FBH1: variants seen among roughly 807,000 people sequenced by gnomAD.
FBH1 encodes DNA 3'-5' helicase 1.
In FBH1, 43 loss-of-function variants were observed where a neutral mutation model predicts 115.5. The observed-to-expected ratio is 0.37, with a 90% CI of 0.29 to 0.48. The LOEUF (loss-of-function observed/expected upper bound fraction) is 0.48. FBH1 is among the 20% of genes least tolerant of loss of function. The pLI, the probability that FBH1 is intolerant of heterozygous loss-of-function variation, is 0.99. For missense variants in FBH1, 1,001 were observed against 1,337.3 expected, an observed-to-expected ratio of 0.75 and a Z score of 3.92; for synonymous variants, 524 against 507.8, an observed-to-expected ratio of 1.03 and a Z score of -0.43.
intron 1 of FBH1, among the ~76,000 whole-genome samples, chr10:5,892,048 T>C (rs1842763198): frequency 7.0e-6 from 1 of 142,588 alleles, no homozygotes; most frequent in South Asian, 2.3e-4. Context: ...TGTATGTGAA[T>C]CTGTCCCGCA....
rs755325675 is a variant in FBH1, at chr10:5,925,317, T to A, written c.2597-50T>A. ...AAACATGTATGTTTTTGTCATCTTG[T>A]TTCTTTCCCTTTGAAGCACCATCTA... On this transcript the variant is annotated intron_variant, in intron 17 of 20. Transcript: ENST00000362091. This position sits in a 1 kb window ranked among gnomAD's most constrained non-coding sequence, Gnocchi z 4.6. 1.9e-6 allele frequency: 3 copies of A among 1,600,128 alleles called. No individual in the cohort carries two copies. Among genetic ancestry groups the A allele is most frequent in the Non-Finnish European group, 1.7e-6 (2 of 1,172,484 alleles).
intron 18 of FBH1, among the ~76,000 whole-genome samples, chr10:5,927,211 G>C (rs574563102): frequency 1.3e-5 from 2 of 152,190 alleles, no homozygotes; most frequent in Non-Finnish European, 2.9e-5. Context: ...GATTTACGTA[G>C]CAGGACTAAA....
At position 5,903,150 on chromosome 10, in the gene FBH1, A is replaced by G. The variant is rs1300387195; in HGVS notation, c.132A>G (p.Lys44=). 1.2e-6 allele frequency: 2 copies of G among 1,612,424 alleles called. No individual in the cohort carries two copies. The highest frequency in any genetic ancestry group is 1.7e-5 in the Admixed American group (1 of 59,796). The part of the protein sequence containing the change: ...NRDPNHGLYP[K]PRTKRGSRGQ... ...ATCCGAACCATGGTCTCTATCCTAA[A>G]CCGAGAACAAAAAGAGGGAGTAGGG... is the stretch of plus-strand genomic sequence containing the variant. Residue 44 remains lysine (K), a synonymous_variant, in exon 2 of 21, where the codon AAA becomes AAG. Transcript: ENST00000362091.
In FBH1 at chr10:5,932,165, T is replaced by C. The variant is rs889353190; in HGVS notation, c.2830-4291T>C. On this transcript the variant is annotated intron_variant, in intron 19 of 20. Coordinates refer to ENST00000362091, the MANE Select transcript of FBH1 (RefSeq NM_178150.3). This position sits in a 1 kb window ranked among gnomAD's most constrained non-coding sequence, Gnocchi z 5.9. ...CTGTCTCAAAAGAAAAGATCAAAACTTTGTGATAAGAGAAGTCTCATTACC... is the reference window on the plus strand; with the variant it reads ...CTGTCTCAAAAGAAAAGATCAAAACCTTGTGATAAGAGAAGTCTCATTACC... Among the ~76,000 whole-genome samples the C allele has an allele frequency of 6.6e-6, 1 of 152,122 alleles. No homozygotes were observed. Among genetic ancestry groups the C allele is most frequent in the Non-Finnish European group, 1.5e-5 (1 of 68,028 alleles).
At chr10:5,929,874 G>A (rs932846422) in intron 19 of FBH1, 6 of 152,124 alleles carry the variant, frequency 3.9e-5, no homozygotes, top group African/African-American at 7.2e-5. Flanking sequence ...AAACATTTTT[G>A]TATAAACTTT....
At chr10:5,922,366 A>T (rs1158601544) in intron 15 of FBH1, among the ~76,000 whole-genome samples, 3 of 152,210 alleles carry the variant, frequency 2.0e-5, no homozygotes, top group Non-Finnish European at 4.4e-5. Context: ...TTGCAATTGT[A>T]GGGTACACAG....
intron 2 of FBH1, among the ~76,000 whole-genome samples, chr10:5,904,530 CT>C (rs1371220311): frequency 6.6e-6 from 1 of 152,076 alleles, no homozygotes; most frequent in African/African-American, 2.4e-5. Flanking sequence ...ATCTCAGTGA[CT>C]GTGGGTGTGA....
intron 19 of FBH1, chr10:5,929,231 A>G (rs1832832010): frequency 6.6e-6 from 1 of 152,228 alleles, no homozygotes; most frequent in African/African-American, 2.4e-5. Flanking sequence ...ATTTTGAGGA[A>G]GATAATATCA....
In FBH1 at chr10:5,914,042, TTATTCTCGTAA is replaced by T. The variant is rs201052547; in HGVS notation, c.1305-135_1305-125del. The T allele has an allele frequency of 1.3e-3, 1,095 of 870,202 alleles. 7 individuals are homozygous for T. The African/African-American group carries it at 0.016, about 13-fold the overall frequency. 53.9% of individuals were successfully genotyped at this position (870,202 alleles called of 1,614,324 possible). ...ATCATAATCTAGCTTTAGAACATGTTTATTCTCGTAAGGGGAGGCCTTTTTTTTGGTCAGCT... is the reference window on the plus strand; with the variant it reads ...ATCATAATCTAGCTTTAGAACATGTTGGGGAGGCCTTTTTTTTGGTCAGCT... On this transcript the variant is annotated intron_variant, in intron 7 of 20. Coordinates refer to ENST00000362091, the MANE Select transcript of FBH1 (RefSeq NM_178150.3). The surrounding 1 kb of genome is among the most constrained non-coding windows in gnomAD (Gnocchi z 5.2).
intron 1 of FBH1, chr10:5,894,527 G>A (rs1483998077): frequency 9.3e-6 from 8 of 856,082 alleles, no homozygotes; most frequent in African/African-American, 1.7e-5. Flanking sequence ...TCCTCTCTGA[G>A]CCCCAGCTTA....
chr10:5,929,367 T>G (rs1832839120), intron 19 of FBH1: 1 of 152,246 alleles, frequency 6.6e-6, no homozygotes, highest in African/African-American at 2.4e-5. Flanking sequence ...TTGTCATTTT[T>G]CCTCCAGGCC....
At position 5,892,953 on chromosome 10, in the gene FBH1, C is replaced by T. The variant is rs374026915; in HGVS notation, c.1+2607C>T. 5.9e-5 allele frequency among the ~76,000 whole-genome samples: 9 copies of T among 152,354 alleles called. No individual in the cohort carries two copies. The South Asian group carries it at 1.7e-3, about 28-fold the overall frequency. On this transcript the variant is annotated intron_variant, in intron 1 of 20. Transcript: ENST00000362091. ...ATCTCCATGTCTCTCCACCTTCTAT[C>T]CTCTCTCCCGAGTCACTGTCCTAAA...
Position 5,923,572 on chromosome 10 carries a change from AAACAAAAAAC to A in FBH1, c.2323-39_2323-30del. On this transcript the variant is annotated intron_variant, in intron 15 of 20. Coordinates refer to ENST00000362091, the MANE Select transcript of FBH1 (RefSeq NM_178150.3). The surrounding 1 kb of genome is among the most constrained non-coding windows in gnomAD (Gnocchi z 5.7). Reference sequence around the variant, plus strand: ...TGTTAAAGCAACAACAAACAAAACAAAACAAAAAACAACAAAAAAACAAAAATCCCACCAA... The same window carrying A: ...TGTTAAAGCAACAACAAACAAAACAAAACAAAAAAACAAAAATCCCACCAA... 9 of 1,511,288 alleles carry A rather than the reference AAACAAAAAAC, an allele frequency of 6.0e-6. No individual in the cohort carries two copies. The highest frequency in any genetic ancestry group is 8.2e-6 in the Non-Finnish European group (9 of 1,094,186). The allele number at this position is 1,511,288 out of a possible 1,614,324, so 93.6% of individuals were successfully genotyped here. A position where few individuals can be genotyped will look rare whatever the true frequency, so the allele number is the denominator to read the frequency against.
At chr10:5,912,385 T>A (rs1831653571) in intron 6 of FBH1, among the ~76,000 whole-genome samples, 2 of 147,458 alleles carry the variant, frequency 1.4e-5, no homozygotes, top group South Asian at 4.2e-4. Context: ...AAATGTAGAA[T>A]AAAACTCAGG....
chr10:5,905,906 C>T (rs1308236933), intron 2 of FBH1, 131 bp from the exon 3 acceptor site: 2 of 628,118 alleles, frequency 3.2e-6, no homozygotes, highest in Non-Finnish European at 5.7e-6. Context: ...ATCAGTTGGC[C>T]CATAAATGTG....
In FBH1 at chr10:5,900,176, A is replaced by G. The variant is rs879601075; in HGVS notation, c.2-2844A>G. On this transcript the variant is annotated intron_variant, in intron 1 of 20. Coordinates refer to ENST00000362091, the MANE Select transcript of FBH1 (RefSeq NM_178150.3). This position sits in a 1 kb window ranked among gnomAD's most constrained non-coding sequence, Gnocchi z 4.2. Reference sequence around the variant, plus strand: ...AGGTGGCATCTTTATAATTTGAAGGATATTTCAATGTCTTAGGCAGGCTAC... The same window carrying G: ...AGGTGGCATCTTTATAATTTGAAGGGTATTTCAATGTCTTAGGCAGGCTAC... Among the ~76,000 whole-genome samples, 1 of 152,258 alleles carries G rather than the reference A, an allele frequency of 6.6e-6. No homozygotes were observed. The highest frequency in any genetic ancestry group is 1.5e-5 in the Non-Finnish European group (1 of 68,048).
rs1210968094 is a variant in FBH1, at chr10:5,932,021, C to A, written c.2830-4435C>A. 6.6e-6 allele frequency among the ~76,000 whole-genome samples: 1 copy of A among 152,170 alleles called. No homozygotes were observed. The highest frequency in any genetic ancestry group is 2.1e-4 in the South Asian group (1 of 4,828). On this transcript the variant is annotated intron_variant, in intron 19 of 20. Transcript: ENST00000362091. The surrounding 1 kb of genome is among the most constrained non-coding windows in gnomAD (Gnocchi z 5.9). ...AATTAGCTAGTCATGGTGGTGCATA[C>A]CTGTAGCCCCAGCTACTTAGGAGGC...
rs992073928 is a variant in FBH1 at position 5,897,112 on chromosome 10, C to T, written c.2-5908C>T. Among the ~76,000 whole-genome samples the T allele has an allele frequency of 1.3e-5, 2 of 152,122 alleles. No homozygotes were observed. Among genetic ancestry groups the T allele is most frequent in the Non-Finnish European group, 2.9e-5 (2 of 68,032 alleles). ...GACCCTCAGATTGGTGTGGTAGTCA[C>T]ATATTTCTTCTGACGTTTCTGTTGC... On this transcript the variant is annotated intron_variant, in intron 1 of 20. Transcript: ENST00000362091. The surrounding 1 kb of genome is among the most constrained non-coding windows in gnomAD (Gnocchi z 4.7).
In FBH1 at chr10:5,917,247, C is replaced by G. The variant is rs1290888692; in HGVS notation, c.1789-173C>G. 1 of 615,324 alleles carries G rather than the reference C, an allele frequency of 1.6e-6. No homozygotes were observed. The highest frequency in any genetic ancestry group is 2.6e-5 in the Admixed American group (1 of 38,704). 38.1% of individuals were successfully genotyped at this position (615,324 alleles called of 1,614,324 possible). On this transcript the variant is annotated intron_variant, in intron 10 of 20. Transcript: ENST00000362091. This position sits in a 1 kb window ranked among gnomAD's most constrained non-coding sequence, Gnocchi z 5.6. The stretch of plus-strand genomic sequence containing the variant: ...GCTTCCTGTCTCAGCACTGGAGACC[C>G]TCTGGCGTGGAGAGGCTGTTGAGGA...
Sources: gnomAD v4.1 joint callset for allele counts (sites outside exome capture counted in the v4.1 genomes callset) on GRCh38, gnomAD v4.1.1 for gene constraint, Gnocchi (gnomAD v3.1) non-coding constraint, MANE v1.5 for transcripts, NCBI Gene and HGNC (gene_info 2026-07-23, HGNC 2026-07-21) for gene names.